Variants in DOCK10 observed in about 807,000 individuals in gnomAD.
DOCK10 encodes dedicator of cytokinesis 10.
DOCK10 carries 145 observed loss-of-function variants against 280.1 expected under a neutral mutation model. The ratio of observed to expected loss-of-function variants is 0.52; its 90% CI spans 0.45 to 0.59. The LOEUF (loss-of-function observed/expected upper bound fraction) is 0.59. Ranked by LOEUF, DOCK10 falls within the 20% of genes least tolerant of loss-of-function variation. The pLI, the probability that DOCK10 is intolerant of heterozygous loss-of-function variation, is 0.00. For missense variants in DOCK10, 2,368 were observed against 2,651.7 expected, an observed-to-expected ratio of 0.89 and a Z score of 2.35; for synonymous variants, 915 against 942.2, an observed-to-expected ratio of 0.97 and a Z score of 0.53.
intron 1 of DOCK10, among the ~76,000 whole-genome samples, chr2:224,937,722 T>C (rs1702768854): frequency 6.6e-6 from 1 of 152,206 alleles, no homozygotes; most frequent in African/African-American, 2.4e-5. Flanking sequence ...ATTCTACCTT[T>C]GTTTTCCTTG....
chr2:224,872,139 T>C (rs1362188019), intron 11 of DOCK10, among the ~76,000 whole-genome samples: 1 of 152,210 alleles, frequency 6.6e-6, no homozygotes, highest in African/African-American at 2.4e-5. Flanking sequence ...AGATTCTTAT[T>C]GGTGACACAT....
At position 224,940,373 on chromosome 2, in the gene DOCK10, A is replaced by G. The variant is rs149581549; in HGVS notation, c.124-8705T>C. Among the ~76,000 whole-genome samples, 6 of 152,264 alleles carry G rather than the reference A, an allele frequency of 3.9e-5. No homozygotes were observed. In the East Asian group the frequency reaches 1.2e-3, roughly 29 times the overall value. Reference sequence around the variant, plus strand: ...CTTGCAACTATAGGAATCTAATGAGATATAATACAAGGAATAGTGCCTAGA... The same window carrying G: ...CTTGCAACTATAGGAATCTAATGAGGTATAATACAAGGAATAGTGCCTAGA... On this transcript the variant is annotated intron_variant, in intron 1 of 55. Transcript: ENST00000258390.
intron 1 of DOCK10, among the ~76,000 whole-genome samples, chr2:225,015,506 T>C (rs1165849883): frequency 6.6e-6 from 1 of 152,214 alleles, no homozygotes; most frequent in Admixed American, 6.5e-5. Context: ...TGTAGACTAA[T>C]CTGGAGTTGG....
At chr2:224,781,586 C>T (rs1165460775) in intron 50 of DOCK10, among the ~76,000 whole-genome samples, 1 of 152,178 alleles carries the variant, frequency 6.6e-6, no homozygotes, top group Non-Finnish European at 1.5e-5. Context: ...GTTATGAAAA[C>T]CAGGGTCAGT....
rs1699859602 is a variant in DOCK10 at position 224,894,234 on chromosome 2, T to A, written c.416+2061A>T. On this transcript the variant is annotated intron_variant, in intron 4 of 55. Coordinates refer to ENST00000258390, the MANE Select transcript of DOCK10 (RefSeq NM_014689.3). ...ATTAAGCAATAATGTCCGGGATTGG[T>A]TTTTTCTAGAGATGCTTTCTCCATT... 2.6e-5 allele frequency among the ~76,000 whole-genome samples: 4 copies of A among 152,122 alleles called. No individual in the cohort carries two copies. In the South Asian group the frequency reaches 8.3e-4, roughly 32 times the overall value.
intron 1 of DOCK10, among the ~76,000 whole-genome samples, chr2:224,980,532 G>C (rs1280383556): frequency 1.3e-5 from 2 of 152,186 alleles, no homozygotes; most frequent in Non-Finnish European, 2.9e-5. Context: ...ACCATAGTGG[G>C]CTGGCAATAA....
chr2:224,765,456 C>G lies in DOCK10; in HGVS notation c.*265G>C. ...GTACTGACCATACAATAACTGACAG[C>G]AAACTTAGGGTTTGCATTTGAGCTA... On this transcript the variant is annotated 3_prime_UTR_variant, in exon 56 of 56. Coordinates refer to ENST00000258390, the MANE Select transcript of DOCK10 (RefSeq NM_014689.3). The G allele has an allele frequency of 2.9e-6, 1 of 346,690 alleles. No homozygotes were observed. The highest frequency in any genetic ancestry group is 4.6e-5 in the South Asian group (1 of 21,796). The allele number at this position is 346,690 out of a possible 1,614,324, so 21.5% of individuals were successfully genotyped here.
chr2:224,806,104 G>T, intron 34 of DOCK10, 22 bp downstream of exon 34: 1 of 1,404,822 alleles, frequency 7.1e-7, no homozygotes, highest in Non-Finnish European at 1.0e-6. Flanking sequence ...AAAAATAAGT[G>T]TTCTCAGAAG....
intron 1 of DOCK10, among the ~76,000 whole-genome samples, chr2:224,943,252 T>G (rs1209356770): frequency 6.6e-6 from 1 of 152,182 alleles, no homozygotes; most frequent in Non-Finnish European, 1.5e-5. Context: ...ATAAGTGGCA[T>G]TTCTCAGACA....
At chr2:224,871,010 A>T (rs1698249125) in intron 11 of DOCK10, among the ~76,000 whole-genome samples, 1 of 151,654 alleles carries the variant, frequency 6.6e-6, no homozygotes, top group Non-Finnish European at 1.5e-5. Flanking sequence ...TATTTTTTGT[A>T]GAGACAAGGT....
Position 224,919,136 on chromosome 2 carries a change from TG to T in DOCK10, c.244-2353del, listed in dbSNP as rs1325857833. 2.7e-5 allele frequency among the ~76,000 whole-genome samples: 4 copies of T among 149,302 alleles called. No homozygotes were observed. The South Asian group carries it at 6.4e-4, about 24-fold the overall frequency. ...TTTATGTGTATGTGTGGCACGTATATGTGTGGTGTGTGTATGTGTGGTGTGT... is the reference window on the plus strand; with the variant it reads ...TTTATGTGTATGTGTGGCACGTATATTGTGGTGTGTGTATGTGTGGTGTGT... On this transcript the variant is annotated intron_variant, in intron 2 of 55. Coordinates refer to ENST00000258390, the MANE Select transcript of DOCK10 (RefSeq NM_014689.3).
intron 4 of DOCK10, among the ~76,000 whole-genome samples, chr2:224,887,912 A>G (rs999875505): frequency 8.5e-5 from 13 of 152,184 alleles, no homozygotes; most frequent in Non-Finnish European, 1.6e-4. Context: ...GCTACTTTGC[A>G]TCAGTTCATT....
At chr2:224,867,974 C>T (rs1318826500) in intron 11 of DOCK10, among the ~76,000 whole-genome samples, 1 of 152,076 alleles carries the variant, frequency 6.6e-6, no homozygotes, top group Non-Finnish European at 1.5e-5. Context: ...GCGGGACATC[C>T]CAGTGGCAGT....
chr2:224,844,956 G>A (rs1696231479), intron 21 of DOCK10, 117 bp from the exon 22 acceptor site: 2 of 854,162 alleles, frequency 2.3e-6, no homozygotes, highest in African/African-American at 3.4e-5. Context: ...TCAGCTACAG[G>A]TGGAAAATAA....
At chr2:224,787,177 C>T (rs1691790257) in intron 49 of DOCK10, 42 bp from the exon 50 acceptor site, 2 of 1,606,814 alleles carry the variant, frequency 1.2e-6, no homozygotes, top group African/African-American at 2.7e-5. Flanking sequence ...ATGATGCTGT[C>T]ATACAAATAA....
intron 4 of DOCK10, among the ~76,000 whole-genome samples, chr2:224,888,239 G>T (rs1005100356): frequency 6.6e-6 from 1 of 150,800 alleles, no homozygotes; most frequent in African/African-American, 2.5e-5. Context: ...GTGTGTGTGT[G>T]TGTGTGTGTG....
chr2:224,965,882 A>T (rs1704710675), intron 1 of DOCK10, among the ~76,000 whole-genome samples: 1 of 152,210 alleles, frequency 6.6e-6, no homozygotes, highest in African/African-American at 2.4e-5. Context: ...TTCTTCTCAC[A>T]GTATTATTTT....
chr2:224,943,515 T>G (rs1277736560), intron 1 of DOCK10, among the ~76,000 whole-genome samples: 4 of 152,234 alleles, frequency 2.6e-5, no homozygotes, highest in Non-Finnish European at 5.9e-5. Context: ...GAGTTCAAGA[T>G]CTACATAATC....
intron 3 of DOCK10, among the ~76,000 whole-genome samples, chr2:224,898,560 T>A (rs1700115156): frequency 6.6e-6 from 1 of 152,164 alleles, no homozygotes; most frequent in African/African-American, 2.4e-5. Flanking sequence ...AAGCACGTGT[T>A]TCTGGAAATA....
Sources: allele counts gnomAD v4.1 joint callset (sites outside exome capture counted in the v4.1 genomes callset), GRCh38; gene constraint gnomAD v4.1.1; transcripts MANE v1.5; gene names NCBI Gene and HGNC (gene_info 2026-07-23, HGNC 2026-07-21).